The following ATXN2 variants were observed in gnomAD, a reference collection of about 807,000 sequenced individuals.
The protein encoded by ATXN2 is ataxin-2.
ATXN2 carries 37 observed loss-of-function variants against 138.6 expected under a neutral mutation model. That is an observed-to-expected ratio of 0.27 (90% CI 0.21 to 0.35). ATXN2 has a LOEUF of 0.35. Ranked by LOEUF, ATXN2 falls within the 10% of genes least tolerant of loss-of-function variation. The pLI is 1.00. For missense variants in ATXN2, 1,216 were observed against 1,480.3 expected (o/e 0.82, Z 2.93); for synonymous variants, 549 against 543.7 (o/e 1.01, Z -0.13).
chr12:111,562,107 G>A (rs566176964), intron 1 of ATXN2, among the ~76,000 whole-genome samples: 14 of 151,302 alleles, frequency 9.3e-5, no homozygotes, highest in East Asian at 4.0e-4. Context: ...CACTGCGCCC[G>A]GCCTCGAGAC....
intron 1 of ATXN2, among the ~76,000 whole-genome samples, chr12:111,576,582 C>T (rs1268919460): frequency 6.6e-6 from 1 of 151,902 alleles, no homozygotes; most frequent in Non-Finnish European, 1.5e-5. Context: ...CTCCCGGGTT[C>T]AAGAGATTCT....
intron 1 of ATXN2, among the ~76,000 whole-genome samples, chr12:111,584,064 C>T (rs1244394592): frequency 6.7e-6 from 1 of 150,290 alleles, no homozygotes; most frequent in Non-Finnish European, 1.5e-5. Flanking sequence ...ACTTTTTTGA[C>T]TATATCAATA....
intron 20 of ATXN2, among the ~76,000 whole-genome samples, chr12:111,466,237 G>T (rs950275364): frequency 4.0e-5 from 6 of 150,682 alleles, no homozygotes; most frequent in African/African-American, 1.5e-4. Context: ...AGTGGCTCAC[G>T]CCTGTAATCC....
chr12:111,599,510 C>T (rs1208754584), upstream of ATXN2: 14 of 1,212,744 alleles, frequency 1.2e-5, no homozygotes, highest in Non-Finnish European at 1.3e-5. Flanking sequence ...GGCCGCTGAG[C>T]GCATCGGAGG....
Position 111,516,353 on chromosome 12 carries a change from C to A in ATXN2, c.1176G>T (p.Trp392Cys). 6.3e-7 allele frequency: 1 copy of A among 1,575,492 alleles called. No homozygotes were observed. Among genetic ancestry groups the A allele is most frequent in the Non-Finnish European group, 8.6e-7 (1 of 1,162,630 alleles). The change falls in exon 10 of 25, where the codon TGG becomes TGT. Residue 392 changes from tryptophan to cysteine, a missense_variant. Coordinates refer to ENST00000673436, the MANE Select transcript of ATXN2 (RefSeq NM_001372574.1). The surrounding 1 kb of genome is among the most constrained non-coding windows in gnomAD (Gnocchi z 5.0). ...AGGAAGGAGATGGGCAAGGCGATGG[C>A]CAGGGAACACCTGACAGAACAAATG... ...DQRVVNGGVPWPSPCPSPSSR... is the reference protein window; with the variant it reads ...DQRVVNGGVPCPSPCPSPSSR...
intron 1 of ATXN2, among the ~76,000 whole-genome samples, chr12:111,582,183 T>A (rs1165402653): frequency 1.3e-5 from 2 of 151,890 alleles, no homozygotes; most frequent in Non-Finnish European, 2.9e-5. Flanking sequence ...TTTTTTAAAT[T>A]GTAGGGCGCA....
chr12:111,523,704 T>C (rs546300741), intron 6 of ATXN2, among the ~76,000 whole-genome samples: 2 of 151,366 alleles, frequency 1.3e-5, no homozygotes, highest in South Asian at 4.2e-4. Context: ...CCAGTCTGGG[T>C]GACAGAGTGA....
intron 14 of ATXN2, among the ~76,000 whole-genome samples, chr12:111,489,568 C>G (rs150656210): frequency 6.6e-6 from 1 of 151,172 alleles, no homozygotes; most frequent in South Asian, 2.1e-4. Flanking sequence ...GCCAAGATCA[C>G]GCCACTGCAC....
rs143799370 is a variant in ATXN2, at chr12:111,476,984, C to T, written c.2525-6242G>A. Among the ~76,000 whole-genome samples, 176 of 152,118 alleles carry T rather than the reference C, an allele frequency of 1.2e-3. 1 individual carries two copies. Among genetic ancestry groups the T allele is most frequent in the Admixed American group, 5.3e-3 (81 of 15,260 alleles). Reference sequence around the variant, plus strand: ...GAGAGAATTGGCATAAGGATATATACAAAGATCAATACAACAAAACAGTTC... The same window carrying T: ...GAGAGAATTGGCATAAGGATATATATAAAGATCAATACAACAAAACAGTTC... On this transcript the variant is annotated intron_variant, in intron 18 of 24. Coordinates refer to ENST00000673436, the MANE Select transcript of ATXN2 (RefSeq NM_001372574.1).
chr12:111,507,398 G>A (rs567141174), intron 14 of ATXN2, among the ~76,000 whole-genome samples: 13 of 151,234 alleles, frequency 8.6e-5, no homozygotes, highest in East Asian at 2.0e-4. Context: ...CAGCCGCCCC[G>A]TCTGAGAAGT....
intron 1 of ATXN2, chr12:111,581,515 C>A (rs989318977): frequency 9.7e-7 from 1 of 1,032,024 alleles, no homozygotes; most frequent in Non-Finnish European, 1.5e-6. Context: ...CCACCGTGAT[C>A]CCCATCCACA....
chr12:111,596,796 GA>G (rs1884962101), intron 1 of ATXN2, among the ~76,000 whole-genome samples: 1 of 152,078 alleles, frequency 6.6e-6, no homozygotes, highest in African/African-American at 2.4e-5. Context: ...TCAAGGAACA[GA>G]AAAAAGACCT....
Position 111,525,431 on chromosome 12 carries a change from A to G in ATXN2, c.572-115T>C, listed in dbSNP as rs907443508. On this transcript the variant is annotated intron_variant, in intron 5 of 24. Transcript: ENST00000673436. ...AAAACAATTACGAAAAATGAATTTC[A>G]CATAATTGTTTAACTTAAAATCTAA... 11 of 1,193,144 alleles carry G rather than the reference A, an allele frequency of 9.2e-6. No homozygotes were observed. The African/African-American group carries it at 1.2e-4, about 13-fold the overall frequency. 73.9% of individuals were successfully genotyped at this position (1,193,144 alleles called of 1,614,324 possible).
intron 5 of ATXN2, among the ~76,000 whole-genome samples, chr12:111,547,548 A>C (rs911573137): frequency 2.6e-5 from 4 of 151,630 alleles, no homozygotes; most frequent in Non-Finnish European, 5.9e-5. Flanking sequence ...CAACGTGGAG[A>C]AACCCAGTCT....
intron 5 of ATXN2, among the ~76,000 whole-genome samples, chr12:111,533,711 G>C (rs957429268): frequency 4.6e-5 from 7 of 152,076 alleles, no homozygotes; most frequent in African/African-American, 1.7e-4. Context: ...ACTTATAGTA[G>C]AGCTAGGGTT....
At chr12:111,593,724 G>A (rs73414502) in intron 1 of ATXN2, among the ~76,000 whole-genome samples, 15,653 of 151,982 alleles carry the variant, frequency 0.1, 2,687 homozygotes, top group African/African-American at 0.36. Flanking sequence ...GGTAAAATAC[G>A]TAAGCCCAAA....
chr12:111,541,073 A>G (rs1237189888), intron 5 of ATXN2, among the ~76,000 whole-genome samples: 1 of 150,156 alleles, frequency 6.7e-6, no homozygotes, highest in African/African-American at 2.4e-5. Context: ...TCATGCTTAT[A>G]AAGTCCTTCT....
At position 111,598,981 on chromosome 12, in the gene ATXN2, C is replaced by CTGCTGT; in HGVS notation, c.53_54insACAGCA (p.Gln27_Gln28dup). 5.6e-6 allele frequency: 7 copies of CTGCTGT among 1,256,148 alleles called. No homozygotes were observed. Among genetic ancestry groups the CTGCTGT allele is most frequent in the Admixed American group, 4.9e-5 (2 of 41,054 alleles). The allele number at this position is 1,256,148 out of a possible 1,614,324, so 77.8% of individuals were successfully genotyped here. A position where few individuals can be genotyped will look rare whatever the true frequency, so the allele number is the denominator to read the frequency against. ...GCTGCTGCTGCTGCTGCTGCTGTTG[C>CTGCTGT]TGCTGCTGCTGCTGCTGCTGCTGCT... On this transcript the variant is annotated inframe_insertion, in exon 1 of 25. Coordinates refer to ENST00000673436, the MANE Select transcript of ATXN2 (RefSeq NM_001372574.1). The surrounding 1 kb of genome is among the most constrained non-coding windows in gnomAD (Gnocchi z 4.5).
intron 14 of ATXN2, among the ~76,000 whole-genome samples, chr12:111,497,076 T>A (rs929234735): frequency 2.0e-5 from 3 of 152,158 alleles, no homozygotes; most frequent in Non-Finnish European, 4.4e-5. Context: ...GAGACTACTA[T>A]GAGCATCTAT....
Sources: gnomAD v4.1 joint callset for allele counts (sites outside exome capture counted in the v4.1 genomes callset) on GRCh38, gnomAD v4.1.1 for gene constraint, Gnocchi (gnomAD v3.1) non-coding constraint, MANE v1.5 for transcripts, NCBI Gene and HGNC (gene_info 2026-07-23, HGNC 2026-07-21) for gene names.